WDR33: variants seen among roughly 807,000 people sequenced by gnomAD.
WDR33 encodes pre-mRNA 3' end processing protein WDR33.
WDR33 carries 47 observed loss-of-function variants against 164.9 expected under a neutral mutation model. The ratio of observed to expected loss-of-function variants is 0.29; its 90% CI spans 0.23 to 0.36. The LOEUF (loss-of-function observed/expected upper bound fraction) is 0.36, where lower values mean the gene tolerates loss of function less well. WDR33 is among the 10% of genes least tolerant of loss of function. The probability of loss-of-function intolerance (pLI) is 1.00; values close to 1 mark genes in which losing one functional copy is unlikely to be tolerated. For missense variants in WDR33, 1,137 were observed against 1,754.1 expected (o/e 0.65, Z 6.28); for synonymous variants, 505 against 589.0 (o/e 0.86, Z 2.06).
intron 7 of WDR33, among the ~76,000 whole-genome samples, chr2:127,761,791 A>C (rs1217195118): frequency 6.6e-6 from 1 of 152,196 alleles, no homozygotes; most frequent in Admixed American, 6.5e-5. Context: ...CTGAAGTTAT[A>C]CAATATTATG....
At chr2:127,762,538 C>T in intron 7 of WDR33, 2 of 984,986 alleles carry the variant, frequency 2.0e-6, no homozygotes, top group Non-Finnish European at 2.4e-6. Flanking sequence ...ATAAAATCAA[C>T]AAAAGTAAAC....
chr2:127,808,390 T>C (rs1161858644), intron 1 of WDR33, among the ~76,000 whole-genome samples: 1 of 152,178 alleles, frequency 6.6e-6, no homozygotes, highest in Non-Finnish European at 1.5e-5. Context: ...TTTCCAATAC[T>C]ACCTAGCTCT....
chr2:127,785,247 C>T (rs1352592470), intron 1 of WDR33, among the ~76,000 whole-genome samples: 2 of 152,114 alleles, frequency 1.3e-5, no homozygotes, highest in Non-Finnish European at 2.9e-5. Flanking sequence ...ACACACACAG[C>T]CCTCCCCACC....
At chr2:127,785,624 C>T (rs758344879) in intron 1 of WDR33, among the ~76,000 whole-genome samples, 24 of 152,092 alleles carry the variant, frequency 1.6e-4, no homozygotes, top group Non-Finnish European at 2.8e-4. Context: ...ATTTAAGGTT[C>T]CTGCATGTCT....
chr2:127,754,580 T>G (rs1054464956), intron 7 of WDR33, among the ~76,000 whole-genome samples: 1 of 150,302 alleles, frequency 6.7e-6, no homozygotes, highest in Non-Finnish European at 1.5e-5. Context: ...CACCATGTTT[T>G]TCATTTTTTT....
intron 1 of WDR33, among the ~76,000 whole-genome samples, chr2:127,807,910 A>G (rs1013352783): frequency 6.6e-5 from 10 of 152,346 alleles, no homozygotes; most frequent in African/African-American, 2.2e-4. Context: ...GGCTACAGTG[A>G]GCCATGATCA....
At chr2:127,711,091 A>T (rs1686149468) in intron 18 of WDR33, among the ~76,000 whole-genome samples, 1 of 152,146 alleles carries the variant, frequency 6.6e-6, no homozygotes, top group Non-Finnish European at 1.5e-5. Context: ...ACACCAGCCT[A>T]GGCTATGGGT....
In WDR33 at chr2:127,719,359, G is replaced by A. The variant is rs375015682; in HGVS notation, c.2666C>T (p.Pro889Leu). Reference protein sequence around the residue: ...GPPGPQGQQNPARGPHPSQGP... With the variant: ...GPPGPQGQQNLARGPHPSQGP... ...TTGAGATGGATGTGGCCCTCTTGCT[G>A]GGTTCTGCTGTCCCTGAGGTCCGGG... Residue 889 changes from proline to leucine, a missense_variant, in exon 16 of 22, where the codon CCA becomes CTA. Physicochemically the swap from Pro to Leu is moderately conservative, Grantham distance 98. Around this residue, in one of 9 missense-constraint regions of WDR33, gnomAD observed 867 missense variants for 1,073.0 expected, o/e 0.81. Transcript: ENST00000322313. The surrounding 1 kb of genome is among the most constrained non-coding windows in gnomAD (Gnocchi z 6.5). 12 of 1,510,242 alleles carry A rather than the reference G, an allele frequency of 7.9e-6. No individual in the cohort carries two copies. The highest frequency in any genetic ancestry group is 1.1e-5 in the Non-Finnish European group (12 of 1,130,664). 93.6% of individuals were successfully genotyped at this position (1,510,242 alleles called of 1,614,324 possible).
At chr2:127,762,244 TTCAAAAGGTTC>T (rs1427391259) in intron 7 of WDR33, among the ~76,000 whole-genome samples, 5 of 152,166 alleles carry the variant, frequency 3.3e-5, no homozygotes, top group Non-Finnish European at 7.4e-5. Context: ...AAACAGTACA[TTCAAAAGGTTC>T]AAATTAAGCA....
In WDR33 at chr2:127,702,097, G is replaced by A. The variant is rs1211302549; in HGVS notation, c.*4226C>T. ...GCCGCGCTGGTTGGGCTGCTGCCCT[G>A]GGGCGGCGGCACCGCGCTGCGCCTC... On this transcript the variant is annotated 3_prime_UTR_variant, in exon 22 of 22. Coordinates refer to ENST00000322313, the MANE Select transcript of WDR33 (RefSeq NM_018383.5). The A allele has an allele frequency of 3.0e-5, 37 of 1,217,036 alleles. No individual in the cohort carries two copies. The highest frequency in any genetic ancestry group is 3.8e-5 in the Non-Finnish European group (37 of 981,016). The allele number at this position is 1,217,036 out of a possible 1,614,324, so 75.4% of individuals were successfully genotyped here.
At chr2:127,801,341 T>C (rs1043640282) in intron 1 of WDR33, among the ~76,000 whole-genome samples, 3 of 151,716 alleles carry the variant, frequency 2.0e-5, no homozygotes, top group African/African-American at 7.3e-5. Flanking sequence ...CATGAAGAAA[T>C]TGGAACCATT....
chr2:127,789,261 C>CG (rs1688754917), intron 1 of WDR33, among the ~76,000 whole-genome samples: 1 of 57,704 alleles, frequency 1.7e-5, no homozygotes, highest in Admixed American at 1.8e-4. Flanking sequence ...AGACGATGGG[C>CG]GGCCAGGCAG....
At chr2:127,769,056 T>C (rs1437637719) in intron 2 of WDR33, 55 bp from the exon 3 acceptor site, 5 of 1,025,618 alleles carry the variant, frequency 4.9e-6, no homozygotes, top group African/African-American at 3.4e-5. Context: ...TTAATGACTA[T>C]ATGGTCTGAT....
At chr2:127,790,696 G>A (rs570723384) in intron 1 of WDR33, among the ~76,000 whole-genome samples, 4 of 151,972 alleles carry the variant, frequency 2.6e-5, no homozygotes, top group South Asian at 4.2e-4. Flanking sequence ...CTGCAGCCTC[G>A]AACTCCTGGG....
intron 4 of WDR33, among the ~76,000 whole-genome samples, chr2:127,766,991 G>A (rs1301206011): frequency 1.3e-5 from 2 of 152,088 alleles, no homozygotes; most frequent in East Asian, 1.9e-4. Flanking sequence ...ACTCCCGACC[G>A]CAGGTGATCC....
At chr2:127,732,988 A>T (rs1686747897) in intron 7 of WDR33, among the ~76,000 whole-genome samples, 1 of 152,182 alleles carries the variant, frequency 6.6e-6, no homozygotes, top group Non-Finnish European at 1.5e-5. Context: ...AAATGTGAAA[A>T]TTCCAAGAAT....
intron 7 of WDR33, chr2:127,762,702 C>T: frequency 9.7e-7 from 1 of 1,025,810 alleles, no homozygotes; most frequent in Non-Finnish European, 1.2e-6. Flanking sequence ...AAAGGACTGC[C>T]AGGAGAATGA....
At chr2:127,727,822 C>G (rs144450723) in intron 7 of WDR33, among the ~76,000 whole-genome samples, 2,118 of 152,240 alleles carry the variant, frequency 0.014, 45 homozygotes, top group African/African-American at 0.047. Context: ...TGGATCAAAT[C>G]CAGCTTCTGT....
At chr2:127,780,690 T>G (rs2105459589) in intron 1 of WDR33, among the ~76,000 whole-genome samples, 1 of 152,108 alleles carries the variant, frequency 6.6e-6, no homozygotes, top group South Asian at 2.1e-4. Context: ...GAGACCCTCC[T>G]CCTTCAAAAG....
Sources: allele counts gnomAD v4.1 joint callset (sites outside exome capture counted in the v4.1 genomes callset), GRCh38; gene constraint gnomAD v4.1.1; regional missense constraint gnomAD v4.1.1; non-coding constraint Gnocchi (gnomAD v3.1); transcripts MANE v1.5; gene names NCBI Gene and HGNC (gene_info 2026-07-23, HGNC 2026-07-21).